The following TTC34 variants were observed in gnomAD, a reference collection of about 807,000 sequenced individuals.
TTC34 encodes the protein tetratricopeptide repeat domain 34, also known as tetratricopeptide repeat protein 34.
Under a neutral mutation model 40.7 loss-of-function variants are expected in TTC34, and 44 were observed. The ratio of observed to expected loss-of-function variants is 1.08; its 90% CI spans 0.85 to 1.39. The LOEUF (loss-of-function observed/expected upper bound fraction) is 1.39, where lower values mean the gene tolerates loss of function less well. TTC34 is among the 40% of genes most tolerant of loss of function. TTC34 has a pLI of 0.00. For missense variants in TTC34, 884 were observed against 838.0 expected (o/e 1.05, Z -0.68); for synonymous variants, 422 against 398.6 (o/e 1.06, Z -0.70).
At chr1:2,652,393 G>A (rs1281546849) in intron 6 of TTC34, among the ~76,000 whole-genome samples, 621 of 120,802 alleles carry the variant, frequency 5.1e-3, no homozygotes, top group South Asian at 7.1e-3. Context: ...ACAGCCTGGA[G>A]CAGCACGCAC....
intron 6 of TTC34, among the ~76,000 whole-genome samples, chr1:2,683,372 G>A (rs577727558): frequency 2.3e-5 from 3 of 131,468 alleles, no homozygotes; most frequent in Admixed American, 7.9e-5. Flanking sequence ...GCATCTGATG[G>A]CTTGGAACAG....
chr1:2,797,166 G>A (rs1316446607), intron 2 of TTC34, among the ~76,000 whole-genome samples: 1 of 152,202 alleles, frequency 6.6e-6, no homozygotes, highest in African/African-American at 2.4e-5. Context: ...GCAGCCCCGT[G>A]TCTCATGGGG....
intron 6 of TTC34, among the ~76,000 whole-genome samples, chr1:2,687,085 C>G (rs931137966): frequency 6.8e-5 from 10 of 146,462 alleles, no homozygotes; most frequent in Non-Finnish European, 1.0e-4. Context: ...GACCCACACC[C>G]CCAGGTGAAC....
At chr1:2,797,628 G>T (rs1386455137) in intron 2 of TTC34, among the ~76,000 whole-genome samples, 2 of 152,114 alleles carry the variant, frequency 1.3e-5, no homozygotes, top group African/African-American at 4.8e-5. Context: ...CAGCCTTTGG[G>T]GTGGAGACGC....
chr1:2,799,022 C>G (rs1643744248), intron 2 of TTC34, among the ~76,000 whole-genome samples: 1 of 149,582 alleles, frequency 6.7e-6, no homozygotes, highest in Non-Finnish European at 1.5e-5. Flanking sequence ...AGCCTCCAAG[C>G]CTCCCAGCCC....
intron 6 of TTC34, among the ~76,000 whole-genome samples, chr1:2,754,974 C>T (rs1457043313): frequency 1.6e-5 from 1 of 61,656 alleles, no homozygotes; most frequent in Non-Finnish European, 2.7e-5. Context: ...GGAACAGCAC[C>T]CACACCCCCA....
chr1:2,768,324 G>T (rs1218862467), intron 6 of TTC34, among the ~76,000 whole-genome samples: 2 of 152,110 alleles, frequency 1.3e-5, no homozygotes, highest in Non-Finnish European at 2.9e-5. Context: ...GTGAAGGGTG[G>T]TGTTCCGGGT....
At chr1:2,754,842 T>A (rs1641452228) in intron 6 of TTC34, among the ~76,000 whole-genome samples, 2 of 145,168 alleles carry the variant, frequency 1.4e-5, no homozygotes, top group South Asian at 4.4e-4. Flanking sequence ...TCTGACAGAC[T>A]GGAACAGCAC....
chr1:2,755,484 G>C (rs1166504316), intron 6 of TTC34, among the ~76,000 whole-genome samples: 4 of 62,672 alleles, frequency 6.4e-5, no homozygotes, highest in Non-Finnish European at 1.1e-4. Context: ...ATCCGACATC[G>C]TGGAGTAGCA....
chr1:2,775,875 G>A (rs1335226147), intron 6 of TTC34, among the ~76,000 whole-genome samples: 2 of 141,712 alleles, frequency 1.4e-5, no homozygotes, highest in Non-Finnish European at 3.0e-5. Context: ...TGCCAGTCCA[G>A]GCTGCCAGAT....
At chr1:2,655,549 G>T (rs61765840) in intron 6 of TTC34, among the ~76,000 whole-genome samples, 6,333 of 111,316 alleles carry the variant, frequency 0.057, no homozygotes, top group Middle Eastern at 0.11. Context: ...GTGAGCATCT[G>T]ACAGCCTGCA....
chr1:2,638,192 A>C (rs778629007), exon 9 of TTC34: 1 of 152,162 alleles, frequency 6.6e-6, no homozygotes, highest in Non-Finnish European at 1.5e-5. Context: ...GGAAGGGTCA[A>C]GTACAAAGCC....
At chr1:2,646,609 C>T (rs1639025829) in intron 6 of TTC34, among the ~76,000 whole-genome samples, 1 of 152,206 alleles carries the variant, frequency 6.6e-6, no homozygotes, top group South Asian at 2.1e-4. Flanking sequence ...TGGTATGGAA[C>T]TTCTGGTCTC....
At chr1:2,753,008 TC>T (rs1641375849) in intron 6 of TTC34, among the ~76,000 whole-genome samples, 1 of 72,802 alleles carries the variant, frequency 1.4e-5, no homozygotes, top group Non-Finnish European at 2.7e-5. Flanking sequence ...TGGAATGGCA[TC>T]CTCACCTCCA....
At chr1:2,751,633 G>A (rs1265706641) in intron 6 of TTC34, among the ~76,000 whole-genome samples, 60 of 65,010 alleles carry the variant, frequency 9.2e-4, no homozygotes, top group Middle Eastern at 7.2e-3. Flanking sequence ...TGACGGCCTG[G>A]AACAGCACCC....
intron 6 of TTC34, among the ~76,000 whole-genome samples, chr1:2,688,367 C>G (rs1225956782): frequency 1.3e-5 from 2 of 151,626 alleles, no homozygotes; most frequent in African/African-American, 2.4e-5. Context: ...GCAGCACCCA[C>G]ACGCCCAGGT....
chr1:2,747,779 C>T (rs1390879570), intron 6 of TTC34, among the ~76,000 whole-genome samples: 257 of 99,820 alleles, frequency 2.6e-3, no homozygotes, highest in Non-Finnish European at 2.7e-3. Context: ...CATCTGACAG[C>T]CTGGAACAGC....
rs987150390 is a variant in TTC34, at chr1:2,800,024, G to A, written c.784+20C>T. On this transcript the variant is annotated intron_variant, in intron 2 of 8. Coordinates refer to ENST00000401095, the Ensembl canonical transcript of TTC34. ...GGCAGCTTTCACCCTGGCTCTGCAGGGGCCATGCCGTCCTCCTACCTTGGG... is the reference window on the plus strand; with the variant it reads ...GGCAGCTTTCACCCTGGCTCTGCAGAGGCCATGCCGTCCTCCTACCTTGGG... 2.5e-6 allele frequency: 1 copy of A among 398,586 alleles called. No individual in the cohort carries two copies. The highest frequency in any genetic ancestry group is 4.4e-5 in the Admixed American group (1 of 22,732). The allele number at this position is 398,586 out of a possible 1,614,324, so 24.7% of individuals were successfully genotyped here.
rs1467494193 is a variant in TTC34 at position 2,771,465 on chromosome 1, T to C, written c.2226+12144A>G. 7.0e-3 allele frequency among the ~76,000 whole-genome samples: 326 copies of C among 46,902 alleles called. 1 individual carries two copies. The highest frequency in any genetic ancestry group is 0.03 in the Middle Eastern group (2 of 66). The allele number at this position is 46,902 out of a possible 152,430, so 30.8% of individuals were successfully genotyped here. ...GCAACCCCAGGTGAGCATCTGACAG[T>C]CTGGAACAGCATCCACACCCCCAGG... On this transcript the variant is annotated intron_variant, in intron 6 of 8. Transcript: ENST00000401095.
Sources: gnomAD v4.1 joint callset for allele counts (sites outside exome capture counted in the v4.1 genomes callset) on GRCh38, gnomAD v4.1.1 for gene constraint, MANE v1.5 for transcripts, NCBI Gene and HGNC (gene_info 2026-07-23, HGNC 2026-07-21) for gene names.